PTBP1: variants seen among roughly 807,000 people sequenced by gnomAD.
PTBP1 encodes the protein polypyrimidine tract binding protein 1.
Under a neutral mutation model 59.8 loss-of-function variants are expected in PTBP1, and 8 were observed. That is an observed-to-expected ratio of 0.13 (90% confidence interval 0.08 to 0.24). The LOEUF (loss-of-function observed/expected upper bound fraction) is 0.24, where lower values mean the gene tolerates loss of function less well. Ranked by LOEUF, PTBP1 falls within the 10% of genes least tolerant of loss-of-function variation. The pLI is 1.00. For missense variants in PTBP1, 686 were observed against 767.0 expected, an observed-to-expected ratio of 0.89 and a Z score of 1.25; for synonymous variants, 490 against 320.7, an observed-to-expected ratio of 1.53 and a Z score of -5.64.
intron 1 of PTBP1, 39 bp downstream of exon 1, chr19:797,544 G>A (rs1363846151): frequency 3.4e-6 from 5 of 1,464,636 alleles, no homozygotes; most frequent in South Asian, 1.3e-5. Context: ...CGCCCTCCCC[G>A]CGCCGCAGCC....
intron 10 of PTBP1, chr19:807,587 T>A (rs2034643584): frequency 2.3e-6 from 1 of 428,646 alleles, no homozygotes; most frequent in Admixed American, 4.3e-5. Flanking sequence ...CTTGCCCTGA[T>A]CCGGAATTTC....
intron 2 of PTBP1, among the ~76,000 whole-genome samples, chr19:801,519 CA>C (rs2145030854): frequency 6.6e-6 from 1 of 152,386 alleles, no homozygotes; most frequent in South Asian, 2.1e-4. Context: ...CAGTCAAAGA[CA>C]GGGTCCAAGA....
chr19:803,778 G>A (rs1375785742), intron 3 of PTBP1, 142 bp downstream of exon 3: 5 of 853,642 alleles, frequency 5.9e-6, no homozygotes, highest in South Asian at 3.3e-5. Flanking sequence ...CCAAGTTCTC[G>A]CTGCAGAGAA....
intron 1 of PTBP1, among the ~76,000 whole-genome samples, chr19:798,100 C>T (rs559110448): frequency 6.6e-5 from 10 of 152,040 alleles, no homozygotes; most frequent in Admixed American, 2.0e-4. Flanking sequence ...CGCCCTACCC[C>T]TGCCCCCCGT....
At chr19:798,732 C>T (rs909256910) in intron 1 of PTBP1, among the ~76,000 whole-genome samples, 8 of 152,222 alleles carry the variant, frequency 5.3e-5, no homozygotes, top group Non-Finnish European at 1.0e-4. Flanking sequence ...GGGGAGCTCA[C>T]TGTTGGGTCA....
chr19:806,578 G>GC (rs1233425202), intron 10 of PTBP1, 22 bp downstream of exon 10: 20 of 1,475,342 alleles, frequency 1.4e-5, no homozygotes, highest in African/African-American at 3.0e-5. Context: ...TTTCCTCCGC[G>GC]CCGCCGTTCC....
chr19:806,723 G>T, intron 10 of PTBP1, 167 bp downstream of exon 10: 3 of 562,652 alleles, frequency 5.3e-6, no homozygotes, highest in Non-Finnish European at 8.7e-6. Flanking sequence ...AAGATGGCTT[G>T]AGTTTTCCTC....
At chr19:803,962 A>C in intron 3 of PTBP1, 74 bp from the exon 4 acceptor site, 1 of 1,566,664 alleles carries the variant, frequency 6.4e-7, no homozygotes, top group Non-Finnish European at 8.7e-7. Context: ...GCAGGGCTCT[A>C]GGGGGATAGC....
At position 804,775 on chromosome 19, in the gene PTBP1, G is replaced by A. The variant is rs1054806161; in HGVS notation, c.607-54G>A. ...GGGCACAGGCACACGGGAGGGGCCTGGCAGGGCTGGTGGGCACCGGGCAGG... is the reference window on the plus strand; with the variant it reads ...GGGCACAGGCACACGGGAGGGGCCTAGCAGGGCTGGTGGGCACCGGGCAGG... On this transcript the variant is annotated intron_variant, in intron 6 of 14. Transcript: ENST00000356948. 3.1e-6 allele frequency: 5 copies of A among 1,609,498 alleles called. No homozygotes were observed. The Middle Eastern group carries it at 5.0e-4, about 160-fold the overall frequency.
chr19:804,837 C>A lies in PTBP1; in HGVS notation c.615C>A (p.Ser205=). ...VTLDVLHQIF[S]KFGTVLKIIT... ...TGGCCCGGGACCTGCAGATTTTCTC[C>A]AAGTTCGGCACAGTGTTGAAGATCA... The change falls in exon 7 of 15, where the codon TCC becomes TCA. Residue 205 remains serine (S), a synonymous_variant. Transcript: ENST00000356948. 2 of 1,613,872 alleles carry A rather than the reference C, an allele frequency of 1.2e-6. No individual in the cohort carries two copies. The highest frequency in any genetic ancestry group is 1.7e-6 in the Non-Finnish European group (2 of 1,179,806).
rs1568269693 is a variant in PTBP1, at chr19:805,154, C to T, written c.859C>T (p.Pro287Ser). 1 of 1,613,674 alleles carries T rather than the reference C, an allele frequency of 6.2e-7. No individual in the cohort carries two copies. Among genetic ancestry groups the T allele is most frequent in the Non-Finnish European group, 8.5e-7 (1 of 1,179,872 alleles). The change falls in exon 8 of 15, where the codon CCC (proline) becomes TCC (serine). Residue 287 changes from proline (P) to serine (S), a missense_variant. Coordinates refer to ENST00000356948, the MANE Select transcript of PTBP1 (RefSeq NM_002819.5). ...RPDLPSGDSQ[P>S]SLDQTMAAAF... Reference sequence around the variant, plus strand: ...AGACCTGCCTTCCGGGGACAGCCAGCCCTCGCTGGACCAGACCATGGCCGC... The same window carrying T: ...AGACCTGCCTTCCGGGGACAGCCAGTCCTCGCTGGACCAGACCATGGCCGC...
At chr19:805,326 C>A in intron 8 of PTBP1, 139 bp downstream of exon 8, 2 of 1,210,398 alleles carry the variant, frequency 1.7e-6, no homozygotes, top group Non-Finnish European at 2.4e-6. Flanking sequence ...ACAGCACGGT[C>A]CAGTGTCCCC....
chr19:811,258 C>T lies in PTBP1; in HGVS notation c.*432C>T, dbSNP rs981680621. 55 of 153,994 alleles carry T rather than the reference C, an allele frequency of 3.6e-4. No homozygotes were observed. Among genetic ancestry groups the T allele is most frequent in the Non-Finnish European group, 2.9e-4 (20 of 69,312 alleles). The allele number at this position is 153,994 out of a possible 1,614,324, so 9.5% of individuals were successfully genotyped here. A position where few individuals can be genotyped will look rare whatever the true frequency, so the allele number is the denominator to read the frequency against. ...ACCAGAGAGAGGCAGGGGGCCTGGC[C>T]GGCTCCTGCAGGATCATGCAGCTGG... is the stretch of plus-strand genomic sequence containing the variant. On this transcript the variant is annotated 3_prime_UTR_variant, in exon 15 of 15. Transcript: ENST00000356948.
At position 806,541 on chromosome 19, in the gene PTBP1, C is replaced by T. The variant is rs748717361; in HGVS notation, c.1104C>T (p.Ser368=). 1 of 1,537,762 alleles carries T rather than the reference C, an allele frequency of 6.5e-7. No homozygotes were observed. The highest frequency in any genetic ancestry group is 8.7e-7 in the Non-Finnish European group (1 of 1,143,394). ...AGAGNSVLLV[S]NLNPERVTPQ... ...CAGGAAATTCTGTATTGCTGGTCAG[C>T]AACCTCAACCCAGAGGTACGTGGGC... The change falls in exon 10 of 15, where the codon AGC becomes AGT. Residue 368 remains serine (S), a synonymous_variant. Transcript: ENST00000356948.
At position 810,838 on chromosome 19, in the gene PTBP1, C is replaced by T; in HGVS notation, c.*12C>T. On this transcript the variant is annotated 3_prime_UTR_variant, in exon 15 of 15. Transcript: ENST00000356948. ...AGTCCACCATCTAGGGGCACAGGCCCCCACGGCCGGGCCCCCTGGCGACAA... is the reference window on the plus strand; with the variant it reads ...AGTCCACCATCTAGGGGCACAGGCCTCCACGGCCGGGCCCCCTGGCGACAA... 6.5e-7 allele frequency: 1 copy of T among 1,528,002 alleles called. No homozygotes were observed. Among genetic ancestry groups the T allele is most frequent in the Non-Finnish European group, 8.7e-7 (1 of 1,146,440 alleles). 94.7% of individuals were successfully genotyped at this position (1,528,002 alleles called of 1,614,324 possible). A position where few individuals can be genotyped will look rare whatever the true frequency, so the allele number is the denominator to read the frequency against.
At position 808,259 on chromosome 19, in the gene PTBP1, GGCTGA is replaced by G; in HGVS notation, c.1154-98_1154-94del. 1 of 1,021,190 alleles carries G rather than the reference GGCTGA, an allele frequency of 9.8e-7. No homozygotes were observed. Among genetic ancestry groups the G allele is most frequent in the Non-Finnish European group, 1.5e-6 (1 of 674,328 alleles). The allele number at this position is 1,021,190 out of a possible 1,614,324, so 63.3% of individuals were successfully genotyped here. On this transcript the variant is annotated intron_variant, in intron 11 of 14. Transcript: ENST00000356948. This position sits in a 1 kb window ranked among gnomAD's most constrained non-coding sequence, Gnocchi z 4.7. ...GTGGCCGATAAAGCAAACCCGGCCG[GGCTGA>G]GCCGGGCCTTGTGGGGGTGCGCGGG...
At chr19:810,398 G>A (rs117029789) in intron 13 of PTBP1, 145 bp from the exon 14 acceptor site, 3 of 637,480 alleles carry the variant, frequency 4.7e-6, no homozygotes, top group African/African-American at 3.8e-5. Context: ...TTGTGGACAT[G>A]ATTTGATACC....
intron 9 of PTBP1, 177 bp from the exon 10 acceptor site, chr19:806,231 C>G (rs2034565617): frequency 3.3e-6 from 2 of 601,902 alleles, no homozygotes; most frequent in South Asian, 2.5e-5. Context: ...GTGCAGGAGC[C>G]GGCGGGTGGC....
At chr19:806,149 T>G (rs1436735220) in intron 9 of PTBP1, 1 of 409,128 alleles carries the variant, frequency 2.4e-6, no homozygotes, top group Non-Finnish European at 4.3e-6. Flanking sequence ...AGCTTTTCTG[T>G]GCTGTGGGCG....
Sources: allele counts gnomAD v4.1 joint callset (sites outside exome capture counted in the v4.1 genomes callset), GRCh38; gene constraint gnomAD v4.1.1; non-coding constraint Gnocchi (gnomAD v3.1); transcripts MANE v1.5; gene names NCBI Gene and HGNC (gene_info 2026-07-23, HGNC 2026-07-21).